The following HIRA variants were observed in gnomAD, a reference collection of about 807,000 sequenced individuals.
HIRA encodes histone cell cycle regulator, also known as protein HIRA.
A neutral mutation model predicts 126.6 loss-of-function variants in HIRA; 13 were observed. The observed-to-expected ratio is 0.10, with a 90% confidence interval of 0.07 to 0.16. HIRA has a LOEUF of 0.16. Ranked by LOEUF, HIRA falls within the 10% of genes least tolerant of loss-of-function variation. HIRA has a pLI of 1.00. For missense variants in HIRA, 834 were observed against 1,314.4 expected (o/e 0.63, Z 5.65); for synonymous variants, 511 against 520.0 (o/e 0.98, Z 0.24).
At chr22:19,409,902 C>T (rs995578887) in intron 2 of HIRA, among the ~76,000 whole-genome samples, 3 of 150,738 alleles carry the variant, frequency 2.0e-5, no homozygotes, top group African/African-American at 2.4e-5. Flanking sequence ...GCTTCCCTGC[C>T]CACAGCTTCC....
intron 8 of HIRA, among the ~76,000 whole-genome samples, 173 bp from the exon 9 acceptor site, chr22:19,392,387 G>C (rs912756109): frequency 3.9e-5 from 6 of 152,238 alleles, no homozygotes; most frequent in African/African-American, 1.4e-4. Context: ...ATGATGGAAA[G>C]GAAGCTTAGG....
chr22:19,428,414 AG>A (rs2089505079), intron 1 of HIRA, among the ~76,000 whole-genome samples: 2 of 152,230 alleles, frequency 1.3e-5, no homozygotes, highest in African/African-American at 4.8e-5. Flanking sequence ...TCTATAACAT[AG>A]ATGACAATCA....
In HIRA at chr22:19,392,093, A is replaced by C; in HGVS notation, c.936+8T>G. 6.5e-7 allele frequency: 1 copy of C among 1,541,926 alleles called. No individual in the cohort carries two copies. Among genetic ancestry groups the C allele is most frequent in the Non-Finnish European group, 8.9e-7 (1 of 1,123,280 alleles). On this transcript the variant is annotated splice_region_variant and intron_variant, in intron 9 of 24. Transcript: ENST00000263208. ...TCCTGCAACAAAAGCTCAGGATAGC[A>C]GGCTCACCCAGACAGAAAGCGAGCG...
At chr22:19,401,429 T>C (rs2089267870) in intron 5 of HIRA, among the ~76,000 whole-genome samples, 1 of 152,172 alleles carries the variant, frequency 6.6e-6, no homozygotes, top group Admixed American at 6.5e-5. Flanking sequence ...CTTTTTCTGG[T>C]TTCAGCTCTC....
chr22:19,414,509 T>C (rs778648882), intron 1 of HIRA, among the ~76,000 whole-genome samples: 4 of 152,218 alleles, frequency 2.6e-5, no homozygotes, highest in Admixed American at 6.5e-5. Context: ...TATGTTCTGA[T>C]AGTTCATTGG....
intron 8 of HIRA, 32 bp from the exon 9 acceptor site, chr22:19,392,246 T>A: frequency 1.4e-6 from 2 of 1,393,196 alleles, no homozygotes; most frequent in Non-Finnish European, 2.0e-6. Flanking sequence ...TAAAAATAAT[T>A]AATCAAGCAT....
chr22:19,423,367 C>G (rs573689283), intron 1 of HIRA, among the ~76,000 whole-genome samples: 17 of 152,080 alleles, frequency 1.1e-4, no homozygotes, highest in Non-Finnish European at 2.4e-4. Context: ...AGATCCCATC[C>G]CAGTCTCACT....
intron 24 of HIRA, among the ~76,000 whole-genome samples, chr22:19,348,773 G>C (rs1402409624): frequency 6.6e-6 from 1 of 152,016 alleles, no homozygotes; most frequent in East Asian, 1.9e-4. Context: ...GGAATTACAG[G>C]AGTGAGCCAC....
chr22:19,392,043 C>T, intron 9 of HIRA, 58 bp downstream of exon 9: 1 of 1,000,272 alleles, frequency 1.0e-6, no homozygotes. Flanking sequence ...CCTCCACTTG[C>T]TACTTTACCA....
intron 24 of HIRA, among the ~76,000 whole-genome samples, chr22:19,336,657 C>G (rs1216199500): frequency 6.6e-6 from 1 of 152,252 alleles, no homozygotes; most frequent in Non-Finnish European, 1.5e-5. Flanking sequence ...GGCACCACCA[C>G]CACAGCAGGT....
At chr22:19,334,512 C>T (rs576722983) in intron 24 of HIRA, among the ~76,000 whole-genome samples, 7 of 150,982 alleles carry the variant, frequency 4.6e-5, no homozygotes, top group Admixed American at 1.3e-4. Flanking sequence ...TTAGGCCAGG[C>T]GCGGTGGCTC....
At chr22:19,333,264 G>T (rs961427431) in intron 24 of HIRA, among the ~76,000 whole-genome samples, 1 of 152,092 alleles carries the variant, frequency 6.6e-6, no homozygotes, top group African/African-American at 2.4e-5. Context: ...AATCAAGAAA[G>T]AGAGAGAAAG....
chr22:19,361,992 G>A (rs1407429497), intron 15 of HIRA, 61 bp from the exon 16 acceptor site: 1 of 1,536,800 alleles, frequency 6.5e-7, no homozygotes, highest in Non-Finnish European at 9.0e-7. Context: ...AAAGAGTGAA[G>A]TGAAATATTT....
chr22:19,359,361 G>A lies in HIRA; in HGVS notation c.2209C>T (p.Arg737Trp), dbSNP rs143152290. The change falls in exon 18 of 25, where the codon CGG (arginine) becomes TGG (tryptophan). Residue 737 changes from arginine to tryptophan, a missense_variant. Arg to Trp is a moderately radical substitution (Grantham distance 101). This residue lies in a region of HIRA where 468 missense variants were observed against 574.2 expected (regional missense o/e 0.82). Coordinates refer to ENST00000263208, the MANE Select transcript of HIRA (RefSeq NM_003325.4). ...CAGCTGCCCGCAGCAGTGAGGATCCGGCTGGTGAGTACCGTCTCCCACTCC... is the reference window on the plus strand; with the variant it reads ...CAGCTGCCCGCAGCAGTGAGGATCCAGCTGGTGAGTACCGTCTCCCACTCC... Reference protein sequence around the residue: ...GKEWETVLTSRILTAAGSCDV... With the variant: ...GKEWETVLTSWILTAAGSCDV... 1.1e-5 allele frequency: 17 copies of A among 1,600,824 alleles called. No homozygotes were observed. Among genetic ancestry groups the A allele is most frequent in the African/African-American group, 6.7e-5 (5 of 74,500 alleles).
Position 19,375,810 on chromosome 22 carries a change from G to C in HIRA, c.1614-18C>G. 2.5e-6 allele frequency: 4 copies of C among 1,613,580 alleles called. No individual in the cohort carries two copies. In the South Asian group the frequency reaches 4.4e-5, roughly 18 times the overall value. The stretch of plus-strand genomic sequence containing the variant: ...CATTCATACTGGGGTGAAGAAGAGG[G>C]GAGGCATGTCAAGCGCAATCCTGAA... On this transcript the variant is annotated intron_variant, in intron 14 of 24. Coordinates refer to ENST00000263208, the MANE Select transcript of HIRA (RefSeq NM_003325.4).
At chr22:19,350,146 T>C (rs1556010369) in intron 24 of HIRA, among the ~76,000 whole-genome samples, 1 of 152,100 alleles carries the variant, frequency 6.6e-6, no homozygotes, top group African/African-American at 2.4e-5. Context: ...CCCTTTTAAT[T>C]TTTTTCCCAT....
At chr22:19,405,950 GC>G in intron 4 of HIRA, 70 bp from the exon 5 acceptor site, 1 of 1,033,036 alleles carries the variant, frequency 9.7e-7, no homozygotes, top group Non-Finnish European at 1.3e-6. Context: ...GCTCCCTGCA[GC>G]CAGCTTATCA....
intron 15 of HIRA, among the ~76,000 whole-genome samples, chr22:19,368,785 C>T (rs182754944): frequency 3.5e-4 from 54 of 152,276 alleles, no homozygotes; most frequent in East Asian, 2.7e-3. Flanking sequence ...GTTTCTAAGG[C>T]GGGCGGTGGC....
At chr22:19,370,789 G>A (rs1294745279) in intron 15 of HIRA, among the ~76,000 whole-genome samples, 2 of 152,312 alleles carry the variant, frequency 1.3e-5, no homozygotes, top group South Asian at 2.1e-4. Flanking sequence ...CCAAGTGAAT[G>A]CTCACTCACT....
Sources: gnomAD v4.1 joint callset for allele counts (sites outside exome capture counted in the v4.1 genomes callset) on GRCh38, gnomAD v4.1.1 for gene constraint, gnomAD v4.1.1 regional missense constraint, MANE v1.5 for transcripts, NCBI Gene and HGNC (gene_info 2026-07-23, HGNC 2026-07-21) for gene names.